The following MACROD2 variants were observed in gnomAD, a reference collection of about 807,000 sequenced individuals.
MACROD2 encodes mono-ADP ribosylhydrolase 2.
MACROD2 carries 36 observed loss-of-function variants against 70.4 expected under a neutral mutation model. The ratio of observed to expected loss-of-function variants is 0.51; its 90% CI spans 0.39 to 0.68. The LOEUF is 0.68. Ranked by LOEUF, MACROD2 falls within the 30% of genes least tolerant of loss-of-function variation. The pLI is 0.00. For missense variants in MACROD2, 496 were observed against 538.4 expected (o/e 0.92, Z 0.78); for synonymous variants, 172 against 178.8 (o/e 0.96, Z 0.30).
chr20:15,849,685 A>G (rs1325445092), intron 8 of MACROD2, among the ~76,000 whole-genome samples: 1 of 152,238 alleles, frequency 6.6e-6, no homozygotes, highest in Non-Finnish European at 1.5e-5. Flanking sequence ...CAACAAAGAA[A>G]GTAATTATTA....
chr20:14,811,066 T>G (rs1012996838), intron 5 of MACROD2, among the ~76,000 whole-genome samples: 4 of 152,092 alleles, frequency 2.6e-5, no homozygotes, highest in African/African-American at 9.7e-5. Context: ...ATTGGCTTTC[T>G]TCACAGAATT....
intron 5 of MACROD2, among the ~76,000 whole-genome samples, chr20:15,136,833 C>T (rs1322983084): frequency 6.6e-6 from 1 of 151,542 alleles, no homozygotes; most frequent in Non-Finnish European, 1.5e-5. Context: ...GGCTAATATC[C>T]AGAATCTACA....
At chr20:14,530,908 C>T (rs867979554) in intron 4 of MACROD2, among the ~76,000 whole-genome samples, 3 of 152,280 alleles carry the variant, frequency 2.0e-5, no homozygotes, top group Middle Eastern at 6.8e-3. Flanking sequence ...CATAAACTTG[C>T]GCAGTCAGTA....
intron 5 of MACROD2, among the ~76,000 whole-genome samples, chr20:14,949,344 A>G (rs941703127): frequency 6.6e-6 from 1 of 152,224 alleles, no homozygotes; most frequent in African/African-American, 2.4e-5. Flanking sequence ...ATTCATCTTT[A>G]AAATAAGTGT....
intron 6 of MACROD2, among the ~76,000 whole-genome samples, chr20:15,417,598 C>CAAAAAAA (rs71340225): frequency 1.4e-5 from 1 of 69,280 alleles, no homozygotes; most frequent in Non-Finnish European, 2.8e-5. Flanking sequence ...AACCCTGTCT[C>CAAAAAAA]AAAAAAAAAA....
chr20:15,913,926 C>T lies in MACROD2; in HGVS notation c.776-19350C>T, dbSNP rs143607984. Among the ~76,000 whole-genome samples, 40 of 152,210 alleles carry T rather than the reference C, an allele frequency of 2.6e-4. No individual in the cohort carries two copies. The East Asian group carries it at 4.8e-3, about 18-fold the overall frequency. ...ATGAATAAACGAATAAGCAAATGAA[C>T]GATGGGAATTTACCATGACTGCAAA... is the stretch of plus-strand genomic sequence containing the variant. On this transcript the variant is annotated intron_variant, in intron 10 of 17. Coordinates refer to ENST00000684519, the MANE Select transcript of MACROD2 (RefSeq NM_001351661.2).
At chr20:15,893,420 C>T (rs557193534) in intron 10 of MACROD2, among the ~76,000 whole-genome samples, 1 of 152,358 alleles carries the variant, frequency 6.6e-6, no homozygotes, top group Non-Finnish European at 1.5e-5. Flanking sequence ...CGGACCTCAA[C>T]AACAGATGCT....
intron 3 of MACROD2, among the ~76,000 whole-genome samples, chr20:14,121,042 A>T (rs1227554074): frequency 6.6e-6 from 1 of 152,010 alleles, no homozygotes; most frequent in Admixed American, 6.6e-5. Flanking sequence ...AAAAAACAGT[A>T]TTTTTATTTT....
chr20:15,508,033 A>G (rs2047450739), intron 8 of MACROD2, among the ~76,000 whole-genome samples: 1 of 152,192 alleles, frequency 6.6e-6, no homozygotes, highest in Admixed American at 6.5e-5. Context: ...GGAGCTCATC[A>G]AAGTTCAACA....
In MACROD2 at chr20:15,654,468, C is replaced by G. The variant is rs560228700; in HGVS notation, c.645+154621C>G. 1.6e-3 allele frequency among the ~76,000 whole-genome samples: 239 copies of G among 152,302 alleles called. 3 individuals carry two copies. Among genetic ancestry groups the G allele is most frequent in the African/African-American group, 5.6e-3 (234 of 41,560 alleles). On this transcript the variant is annotated intron_variant, in intron 8 of 17. Transcript: ENST00000684519. ...GGTGCAAAAGTAATTGCGGCTTTTG[C>G]CATTCATTTTGCACCAAGCTAATAC...
intron 5 of MACROD2, among the ~76,000 whole-genome samples, chr20:15,209,106 GTGGTGGTGGTATTTATT>G (rs1343825744): frequency 2.1e-5 from 3 of 141,054 alleles, no homozygotes; most frequent in African/African-American, 5.3e-5. Flanking sequence ...GGTGGTGGTG[GTGGTGGTGGTATTTATT>G]TATTTATTTA....
At chr20:14,302,718 C>T (rs1359492093) in intron 3 of MACROD2, among the ~76,000 whole-genome samples, 4 of 151,594 alleles carry the variant, frequency 2.6e-5, no homozygotes, top group Non-Finnish European at 5.9e-5. Context: ...TGCAGTGGCG[C>T]GATCTTGGCT....
At chr20:15,832,100 G>A (rs2064062491) in intron 8 of MACROD2, among the ~76,000 whole-genome samples, 1 of 151,814 alleles carries the variant, frequency 6.6e-6, no homozygotes, top group Non-Finnish European at 1.5e-5. Context: ...TGGAAAAAAT[G>A]GTTCAAAATG....
At chr20:14,782,267 T>A (rs2072311408) in intron 5 of MACROD2, among the ~76,000 whole-genome samples, 1 of 151,916 alleles carries the variant, frequency 6.6e-6, no homozygotes, top group African/African-American at 2.4e-5. Context: ...AAATAATCAT[T>A]AGCAGTAATA....
intron 4 of MACROD2, among the ~76,000 whole-genome samples, chr20:14,577,794 A>AAAGAG (rs140897912): frequency 0.04 from 5,520 of 137,800 alleles, 158 homozygotes; most frequent in Middle Eastern, 0.054. Context: ...AAAGAAAAGG[A>AAAGAG]AAGAGAAGAG....
chr20:14,578,764 C>T (rs1568681190), intron 4 of MACROD2, among the ~76,000 whole-genome samples: 2 of 152,076 alleles, frequency 1.3e-5, no homozygotes, highest in South Asian at 2.1e-4. Context: ...GAGCTGATAT[C>T]GGGGAAGGTA....
intron 3 of MACROD2, among the ~76,000 whole-genome samples, chr20:14,271,223 G>A (rs1224275799): frequency 6.6e-6 from 1 of 152,174 alleles, no homozygotes; most frequent in Non-Finnish European, 1.5e-5. Flanking sequence ...CCCCCGAGCA[G>A]CCTAACTGGG....
At chr20:15,147,809 T>C (rs1412398022) in intron 5 of MACROD2, among the ~76,000 whole-genome samples, 5 of 152,026 alleles carry the variant, frequency 3.3e-5, no homozygotes, top group South Asian at 4.2e-4. Context: ...TGAAGGGAGC[T>C]AGGGGTGGGG....
chr20:14,701,330 G>A (rs188168453), intron 5 of MACROD2, among the ~76,000 whole-genome samples: 12 of 152,222 alleles, frequency 7.9e-5, no homozygotes, highest in South Asian at 4.1e-4. Context: ...TCTATCCTGA[G>A]TAGTCTAAAC....
Sources: gnomAD v4.1 joint callset for allele counts (sites outside exome capture counted in the v4.1 genomes callset) on GRCh38, gnomAD v4.1.1 for gene constraint, MANE v1.5 for transcripts, NCBI Gene and HGNC (gene_info 2026-07-23, HGNC 2026-07-21) for gene names.